Variants in ZXDC observed in about 807,000 individuals in gnomAD.
The protein encoded by ZXDC is ZXD family zinc finger C, also known as zinc finger protein ZXDC.
Under a neutral mutation model 63.6 loss-of-function variants are expected in ZXDC, and 58 were observed. The ratio of observed to expected loss-of-function variants is 0.91; its 90% CI spans 0.74 to 1.13. The LOEUF (loss-of-function observed/expected upper bound fraction) is 1.13, where lower values mean the gene tolerates loss of function less well. ZXDC is among the 50% of genes most tolerant of loss of function. The pLI, the probability that ZXDC is intolerant of heterozygous loss-of-function variation, is 0.00. For synonymous variants in ZXDC, 561 were observed against 496.1 expected (o/e 1.13, Z -1.74); for missense variants, 1,133 against 1,148.9 (o/e 0.99, Z 0.20).
In ZXDC at chr3:126,468,619, C is replaced by G. The variant is rs73859302; in HGVS notation, c.1270+2276G>C. On this transcript the variant is annotated intron_variant, in intron 4 of 9. Transcript: ENST00000389709. ...CCTATCCTCCACGGCCAACTCCCAC[C>G]TTTCCCCTTTCCCCAGTCACCTCTG... 4.8e-3 allele frequency among the ~76,000 whole-genome samples: 736 copies of G among 152,316 alleles called. 8 individuals carry two copies. The highest frequency in any genetic ancestry group is 0.017 in the African/African-American group (693 of 41,566).
At chr3:126,448,129 G>A (rs1318026580) in intron 7 of ZXDC, among the ~76,000 whole-genome samples, 1 of 152,358 alleles carries the variant, frequency 6.6e-6, no homozygotes, top group East Asian at 1.9e-4. Context: ...TAGATGTGCT[G>A]GGCTTAGAAC....
chr3:126,473,851 C>G (rs1935074164), intron 1 of ZXDC, among the ~76,000 whole-genome samples: 1 of 152,178 alleles, frequency 6.6e-6, no homozygotes, highest in Non-Finnish European at 1.5e-5. Context: ...TGGGCCCTCA[C>G]CACAGACCAC....
At chr3:126,451,675 G>T (rs1344542605) in intron 7 of ZXDC, 1 of 985,294 alleles carries the variant, frequency 1.0e-6, no homozygotes, top group Admixed American at 6.1e-5. Context: ...CAATGTCCTT[G>T]TGAGCACCAA....
At chr3:126,450,343 T>G (rs1222300010) in intron 7 of ZXDC, 1 of 456,544 alleles carries the variant, frequency 2.2e-6, no homozygotes, top group Non-Finnish European at 4.4e-6. Flanking sequence ...AGCTCCCACT[T>G]CGGCAAGTCT....
rs531500050 is a variant in ZXDC at position 126,470,209 on chromosome 3, G to C, written c.1270+686C>G. Among the ~76,000 whole-genome samples the C allele has an allele frequency of 1.9e-4, 29 of 152,366 alleles. 1 individual carries two copies. Among genetic ancestry groups the C allele is most frequent in the Admixed American group, 7.2e-4 (11 of 15,310 alleles). ...AGGTTGGGCGTGGTGGCTCACACCT[G>C]TAATCCCAGCACTTTGGGAGGCCAA... On this transcript the variant is annotated intron_variant, in intron 4 of 9. Transcript: ENST00000389709.
At chr3:126,458,454 T>C (rs1265294573) in intron 7 of ZXDC, 1 of 311,472 alleles carries the variant, frequency 3.2e-6, no homozygotes, top group Non-Finnish European at 4.7e-6. Flanking sequence ...GCCAGGCTGG[T>C]CTCGAACTCC....
chr3:126,454,666 A>T, intron 7 of ZXDC: 1 of 985,436 alleles, frequency 1.0e-6, no homozygotes, highest in Non-Finnish European at 1.2e-6. Flanking sequence ...TTCTGTCACA[A>T]TGTGTCTTGC....
Position 126,466,156 on chromosome 3 carries a change from T to C in ZXDC, c.1440A>G (p.Gln480=). The C allele has an allele frequency of 6.2e-7, 1 of 1,612,722 alleles. No homozygotes were observed. The highest frequency in any genetic ancestry group is 8.5e-7 in the Non-Finnish European group (1 of 1,179,182). ...AHMVRQHSRR[Q]DLLPQLEAPS... ...ATGGGGGCCGTGGAAAGTGCAGACC[T>C]TGGCGCCGGCTGTGCTGTCTGACCA... The change falls in exon 5 of 10, where the codon CAA becomes CAG. Residue 480 remains glutamine, a splice_region_variant and synonymous_variant. Coordinates refer to ENST00000389709, the MANE Select transcript of ZXDC (RefSeq NM_025112.5).
At chr3:126,438,609 CAT>C (rs1933554105) in intron 9 of ZXDC, 148 bp from the exon 10 acceptor site, 7 of 638,408 alleles carry the variant, frequency 1.1e-5, no homozygotes, top group African/African-American at 2.7e-5. Context: ...ATTCTAAACA[CAT>C]GTTCTTTGAT....
chr3:126,445,884 T>C (rs1933866418), intron 7 of ZXDC, among the ~76,000 whole-genome samples: 1 of 152,172 alleles, frequency 6.6e-6, no homozygotes, highest in African/African-American at 2.4e-5. Context: ...GGCTGAAAGT[T>C]AATCATAAAC....
intron 7 of ZXDC, among the ~76,000 whole-genome samples, chr3:126,449,695 C>A (rs1251073617): frequency 1.3e-5 from 2 of 152,196 alleles, no homozygotes; most frequent in Non-Finnish European, 2.9e-5. Flanking sequence ...GGCCAGGAGT[C>A]AAGGGACTTT....
chr3:126,467,974 T>C (rs1161387158), intron 4 of ZXDC, among the ~76,000 whole-genome samples: 1 of 152,248 alleles, frequency 6.6e-6, no homozygotes, highest in Non-Finnish European at 1.5e-5. Context: ...TATTTCATTT[T>C]GGTTTGTATT....
chr3:126,463,275 T>C (rs1934630648), intron 5 of ZXDC, among the ~76,000 whole-genome samples: 1 of 152,072 alleles, frequency 6.6e-6, no homozygotes, highest in Non-Finnish European at 1.5e-5. Flanking sequence ...TTCACCGCAT[T>C]AGCCAGGATG....
At chr3:126,457,521 G>A (rs1934354828) in intron 7 of ZXDC, 5 of 985,238 alleles carry the variant, frequency 5.1e-6, no homozygotes, top group Non-Finnish European at 6.0e-6. Flanking sequence ...CTCACACACG[G>A]AGACCTAGCA....
chr3:126,440,194 G>A, intron 8 of ZXDC: 4 of 999,328 alleles, frequency 4.0e-6, no homozygotes, highest in Non-Finnish European at 4.8e-6. Flanking sequence ...GCTCCTGAGA[G>A]GGGAGGCTGC....
chr3:126,452,127 C>G, intron 7 of ZXDC: 1 of 985,356 alleles, frequency 1.0e-6, no homozygotes, highest in Non-Finnish European at 1.2e-6. Context: ...AGGTCGGTGC[C>G]CAGTGCGCTG....
At chr3:126,450,980 A>G (rs1934080851) in intron 7 of ZXDC, 1 of 287,052 alleles carries the variant, frequency 3.5e-6, no homozygotes, top group South Asian at 1.3e-4. Context: ...GTAGGCACAC[A>G]CTTAACCTGC....
chr3:126,440,436 C>T lies in ZXDC; in HGVS notation c.2395-709G>A, dbSNP rs1362752722. The stretch of plus-strand genomic sequence containing the variant: ...CGGAGTGCTTAAGTAACCAAGACTA[C>T]GCTAGCTGGTAAGGGACAGAAAAAG... On this transcript the variant is annotated intron_variant, in intron 8 of 9. Transcript: ENST00000389709. 13 of 985,256 alleles carry T rather than the reference C, an allele frequency of 1.3e-5. No homozygotes were observed. The East Asian group carries it at 5.7e-4, about 43-fold the overall frequency. 61.0% of individuals were successfully genotyped at this position (985,256 alleles called of 1,614,324 possible). A position where few individuals can be genotyped will look rare whatever the true frequency, so the allele number is the denominator to read the frequency against.
At chr3:126,459,232 G>T in intron 7 of ZXDC, 2 of 985,422 alleles carry the variant, frequency 2.0e-6, no homozygotes, top group Non-Finnish European at 2.4e-6. Context: ...CAATGCCACA[G>T]GACACACAGT....
Sources: gnomAD v4.1 joint callset for allele counts (sites outside exome capture counted in the v4.1 genomes callset) on GRCh38, gnomAD v4.1.1 for gene constraint, MANE v1.5 for transcripts, NCBI Gene and HGNC (gene_info 2026-07-23, HGNC 2026-07-21) for gene names.